Variants in GALNT10 observed in about 807,000 individuals in gnomAD.
GALNT10 encodes the protein GalNAc transferase 10.
GALNT10 carries 41 observed loss-of-function variants against 75.0 expected under a neutral mutation model. The ratio of observed to expected loss-of-function variants is 0.55; its 90% CI spans 0.43 to 0.71. GALNT10 has a LOEUF of 0.71. Ranked by LOEUF, GALNT10 falls within the 30% of genes least tolerant of loss-of-function variation. The probability of loss-of-function intolerance (pLI) is 0.00; values close to 1 mark genes in which losing one functional copy is unlikely to be tolerated. For synonymous variants in GALNT10, 302 were observed against 313.0 expected (o/e 0.96, Z 0.37); for missense variants, 727 against 818.5 (o/e 0.89, Z 1.36).
chr5:154,241,992 C>T (rs896267905), intron 1 of GALNT10, among the ~76,000 whole-genome samples: 3 of 152,158 alleles, frequency 2.0e-5, no homozygotes, highest in African/African-American at 7.2e-5. Context: ...CCATCACCAC[C>T]ACCACAGTAA....
intron 3 of GALNT10, among the ~76,000 whole-genome samples, chr5:154,314,815 A>G (rs1159519099): frequency 3.9e-5 from 6 of 152,014 alleles, no homozygotes; most frequent in African/African-American, 1.5e-4. Context: ...AAGCTTTCAA[A>G]CAAGAGTCAC....
chr5:154,237,974 T>C (rs1753273395), intron 1 of GALNT10, among the ~76,000 whole-genome samples: 1 of 152,202 alleles, frequency 6.6e-6, no homozygotes, highest in Non-Finnish European at 1.5e-5. Context: ...GGCCTCCTCT[T>C]TTGAGAAGGC....
chr5:154,345,999 A>G (rs1214735715), intron 4 of GALNT10, among the ~76,000 whole-genome samples: 2 of 122,636 alleles, frequency 1.6e-5, no homozygotes, highest in South Asian at 2.5e-4. Context: ...GGGTTTCACC[A>G]TGTTGCCTAG....
intron 3 of GALNT10, among the ~76,000 whole-genome samples, chr5:154,315,238 T>C (rs1754579761): frequency 6.6e-6 from 1 of 152,240 alleles, no homozygotes; most frequent in Non-Finnish European, 1.5e-5. Context: ...CTTGGCTTCA[T>C]GGTTACCTCA....
At chr5:154,353,304 C>T (rs965736918) in intron 4 of GALNT10, among the ~76,000 whole-genome samples, 1 of 152,004 alleles carries the variant, frequency 6.6e-6, no homozygotes, top group Admixed American at 6.5e-5. Flanking sequence ...CCCCGCAAAA[C>T]GACCTTCTAA....
At chr5:154,227,801 A>C (rs1753086910) in intron 1 of GALNT10, among the ~76,000 whole-genome samples, 1 of 150,982 alleles carries the variant, frequency 6.6e-6, no homozygotes, top group Admixed American at 6.6e-5. Context: ...TAGACTTTAC[A>C]TTTAGATTTG....
intron 3 of GALNT10, among the ~76,000 whole-genome samples, chr5:154,307,848 G>A (rs1055211144): frequency 3.3e-5 from 5 of 151,348 alleles, no homozygotes; most frequent in African/African-American, 1.2e-4. Flanking sequence ...AAGATCAAAG[G>A]ATAAAGAGGT....
At chr5:154,294,634 A>G (rs572282411) in intron 1 of GALNT10, among the ~76,000 whole-genome samples, 182 bp from the exon 2 acceptor site, 84 of 152,196 alleles carry the variant, frequency 5.5e-4, no homozygotes, top group African/African-American at 1.8e-3. Context: ...CATCTTGCTG[A>G]CCTTTGCAAA....
intron 1 of GALNT10, among the ~76,000 whole-genome samples, chr5:154,248,202 A>G (rs914362535): frequency 2.0e-5 from 3 of 152,162 alleles, no homozygotes; most frequent in African/African-American, 7.2e-5. Flanking sequence ...GTGCTGCTGG[A>G]TTCGGTTTGC....
chr5:154,278,343 G>A (rs997267156), intron 1 of GALNT10, among the ~76,000 whole-genome samples: 2 of 152,210 alleles, frequency 1.3e-5, no homozygotes, highest in Non-Finnish European at 2.9e-5. Flanking sequence ...TAGATGAGTG[G>A]TTGTTGGAGT....
At chr5:154,350,519 G>GT (rs1299567501) in intron 4 of GALNT10, among the ~76,000 whole-genome samples, 3 of 152,200 alleles carry the variant, frequency 2.0e-5, no homozygotes, top group African/African-American at 7.2e-5. Flanking sequence ...TTAAATAGAT[G>GT]TATGTGCAGG....
chr5:154,379,971 A>G lies in GALNT10; in HGVS notation c.755-477A>G, dbSNP rs71590135. 8.0e-3 allele frequency among the ~76,000 whole-genome samples: 1,216 copies of G among 152,302 alleles called. 9 individuals are homozygous for G. Among genetic ancestry groups the G allele is most frequent in the Non-Finnish European group, 0.014 (936 of 68,018 alleles). On this transcript the variant is annotated intron_variant, in intron 5 of 11. Coordinates refer to ENST00000297107, the MANE Select transcript of GALNT10 (RefSeq NM_198321.4). ...TGTTAGGGGCACATAGTCTGCTATG[A>G]AGGAAAGTGCTGGGGTGCCTACTGC...
chr5:154,191,088 G>A (rs1774852171), intron 1 of GALNT10, 63 bp downstream of exon 1: 2 of 1,152,512 alleles, frequency 1.7e-6, no homozygotes, highest in South Asian at 2.1e-5. Context: ...TTAGCCTGTG[G>A]TTCCTTCCTC....
chr5:154,299,826 C>A (rs1754334167), intron 3 of GALNT10, among the ~76,000 whole-genome samples: 1 of 130,780 alleles, frequency 7.6e-6, no homozygotes, highest in Non-Finnish European at 1.6e-5. Flanking sequence ...ACTGTCAAAT[C>A]CCAGATTTTT....
chr5:154,191,014 G>A lies in GALNT10; in HGVS notation c.148G>A (p.Ala50Thr), dbSNP rs1774850916. 11 of 1,457,260 alleles carry A rather than the reference G, an allele frequency of 7.5e-6. No homozygotes were observed. Among genetic ancestry groups the A allele is most frequent in the Non-Finnish European group, 1.0e-5 (11 of 1,099,762 alleles). The allele number at this position is 1,457,260 out of a possible 1,614,324, so 90.3% of individuals were successfully genotyped here. A position where few individuals can be genotyped will look rare whatever the true frequency, so the allele number is the denominator to read the frequency against. ...PGGSGAAVAP[A>T]AGQGSHSRQK... is the part of the protein sequence containing the mutation. Reference sequence around the variant, plus strand: ...GGGATCGGGGGCGGCGGTGGCGCCGGCGGCGGGACAGGTGAGTCCCCCCGT... The same window carrying A: ...GGGATCGGGGGCGGCGGTGGCGCCGACGGCGGGACAGGTGAGTCCCCCCGT... Residue 50 changes from alanine (A) to threonine (T), a missense_variant, in exon 1 of 12, where the codon GCG becomes ACG. Physicochemically the swap from Ala to Thr is moderately conservative, Grantham distance 58. Transcript: ENST00000297107.
At chr5:154,383,373 G>A (rs1755761397) in intron 6 of GALNT10, among the ~76,000 whole-genome samples, 1 of 152,196 alleles carries the variant, frequency 6.6e-6, no homozygotes, top group South Asian at 2.1e-4. Flanking sequence ...CACTCACTAT[G>A]AGCAGATTAT....
intron 1 of GALNT10, among the ~76,000 whole-genome samples, chr5:154,194,858 G>T (rs777219608): frequency 6.6e-6 from 1 of 152,218 alleles, no homozygotes; most frequent in Non-Finnish European, 1.5e-5. Flanking sequence ...AGCAATGTAG[G>T]GAATAGATAC....
At chr5:154,325,127 C>T (rs1231799982) in intron 3 of GALNT10, among the ~76,000 whole-genome samples, 1 of 152,010 alleles carries the variant, frequency 6.6e-6, no homozygotes, top group Non-Finnish European at 1.5e-5. Flanking sequence ...AAATAAAGAG[C>T]TAAATGAAAT....
chr5:154,378,403 T>C (rs115902870), intron 5 of GALNT10, among the ~76,000 whole-genome samples: 335 of 152,282 alleles, frequency 2.2e-3, no homozygotes, highest in African/African-American at 7.3e-3. Flanking sequence ...AATTTGACCA[T>C]TGCCTGGTAA....
Sources: gnomAD v4.1 joint callset for allele counts (sites outside exome capture counted in the v4.1 genomes callset) on GRCh38, gnomAD v4.1.1 for gene constraint, MANE v1.5 for transcripts, NCBI Gene and HGNC (gene_info 2026-07-23, HGNC 2026-07-21) for gene names.